Variants in C2CD5 observed in about 807,000 individuals in gnomAD.
C2CD5 encodes the protein C2 domain-containing protein 5.
C2CD5 carries 109 observed loss-of-function variants against 130.3 expected under a neutral mutation model. That is an observed-to-expected ratio of 0.84 (90% CI 0.72 to 0.98). C2CD5 has a LOEUF of 0.98. Among genes scored for constraint, C2CD5 ranks in the 50% least tolerant of loss-of-function variants. The pLI, the probability that C2CD5 is intolerant of heterozygous loss-of-function variation, is 0.00. For synonymous variants in C2CD5, 454 were observed against 429.2 expected (o/e 1.06, Z -0.71); for missense variants, 996 against 1,261.8 (o/e 0.79, Z 3.19).
In C2CD5 at chr12:22,543,636, G is replaced by A. The variant is rs1952629685; in HGVS notation, c.90+425C>T. On this transcript the variant is annotated intron_variant, in intron 2 of 26. Transcript: ENST00000446597. ...TGTGTGTGTGTTTCAGTGGCTGCGG[G>A]GCCACACCTTGGGATCTCCTGAGTG... is the stretch of plus-strand genomic sequence containing the variant. 1.3e-5 allele frequency among the ~76,000 whole-genome samples: 2 copies of A among 152,170 alleles called. 1 individual carries two copies. Among genetic ancestry groups the A allele is most frequent in the Non-Finnish European group, 2.9e-5 (2 of 68,036 alleles).
intron 20 of C2CD5, 32 bp downstream of exon 20, chr12:22,471,367 T>A: frequency 8.8e-7 from 1 of 1,133,412 alleles, no homozygotes; most frequent in Non-Finnish European, 1.3e-6. Flanking sequence ...ACAGATCAGA[T>A]AAAGACTAAT....
intron 6 of C2CD5, 130 bp from the exon 7 acceptor site, chr12:22,523,754 T>G: frequency 1.5e-6 from 1 of 671,854 alleles, no homozygotes; most frequent in Non-Finnish European, 2.5e-6. Flanking sequence ...TGAAGGAAAC[T>G]TAAAAGATAA....
At chr12:22,500,847 AATG>A (rs1190660207) in intron 10 of C2CD5, among the ~76,000 whole-genome samples, 1 of 152,146 alleles carries the variant, frequency 6.6e-6, no homozygotes, top group Non-Finnish European at 1.5e-5. Context: ...CTGTTATTAA[AATG>A]ATAATGCTTC....
intron 14 of C2CD5, among the ~76,000 whole-genome samples, chr12:22,479,925 A>G (rs1944456829): frequency 6.6e-6 from 1 of 152,184 alleles, no homozygotes; most frequent in South Asian, 2.1e-4. Context: ...TTAACTCTAG[A>G]TATTTGTTAT....
chr12:22,474,685 A>G, intron 16 of C2CD5, 66 bp downstream of exon 16: 1 of 1,148,350 alleles, frequency 8.7e-7, no homozygotes, highest in Non-Finnish European at 1.2e-6. Context: ...ATATTAATTT[A>G]GCACGTGAAA....
intron 22 of C2CD5, among the ~76,000 whole-genome samples, chr12:22,466,193 C>T (rs1006802541): frequency 1.3e-5 from 2 of 151,780 alleles, no homozygotes; most frequent in Non-Finnish European, 2.9e-5. Context: ...CTATGCTTAG[C>T]TCTTGAAACT....
intron 10 of C2CD5, among the ~76,000 whole-genome samples, chr12:22,495,634 T>C (rs1436467664): frequency 1.3e-5 from 2 of 151,946 alleles, no homozygotes; most frequent in Non-Finnish European, 2.9e-5. Flanking sequence ...CAAGCAGCCT[T>C]TATTTTAACA....
At chr12:22,497,599 G>A in intron 10 of C2CD5, 2 of 970,652 alleles carry the variant, frequency 2.1e-6, no homozygotes, top group South Asian at 9.5e-5. Context: ...CATTCCAACT[G>A]CTAACCTCTT....
chr12:22,483,603 C>T (rs529678735), intron 13 of C2CD5, among the ~76,000 whole-genome samples: 2 of 152,048 alleles, frequency 1.3e-5, no homozygotes, highest in South Asian at 4.2e-4. Context: ...AAAAGAAATA[C>T]TAAAGCGTAC....
In C2CD5 at chr12:22,454,019, G is replaced by A; in HGVS notation, c.2901C>T (p.Leu967=). 1 of 1,613,602 alleles carries A rather than the reference G, an allele frequency of 6.2e-7. No individual in the cohort carries two copies. Among genetic ancestry groups the A allele is most frequent in the Non-Finnish European group, 8.5e-7 (1 of 1,179,724 alleles). ...LREEGGVSGF[L]HAFIAEVFAM... ...CAAACACTTCAGCAATAAAAGCATG[G>A]AGAAAACCACTGACTCCTCCTTCCT... Residue 967 remains leucine, a synonymous_variant, in exon 26 of 27, where the codon CTC becomes CTT. Coordinates refer to ENST00000446597, the MANE Select transcript of C2CD5 (RefSeq NM_001286176.2).
At chr12:22,466,721 C>T (rs573546727) in intron 22 of C2CD5, among the ~76,000 whole-genome samples, 1 of 152,278 alleles carries the variant, frequency 6.6e-6, no homozygotes, top group Admixed American at 6.5e-5. Flanking sequence ...ATTTACAAAA[C>T]TACAGAAATA....
At chr12:22,490,537 T>G (rs1233749426) in intron 11 of C2CD5, among the ~76,000 whole-genome samples, 1 of 152,114 alleles carries the variant, frequency 6.6e-6, no homozygotes, top group East Asian at 1.9e-4. Context: ...AGTAATAAAT[T>G]GTATTGCTGA....
intron 7 of C2CD5, chr12:22,519,366 A>G (rs1483393194): frequency 4.4e-6 from 3 of 675,704 alleles, no homozygotes; most frequent in African/African-American, 3.7e-5. Context: ...AATCCCTAGC[A>G]TGCAAAAAAC....
At chr12:22,485,062 A>T (rs1416334562) in intron 12 of C2CD5, among the ~76,000 whole-genome samples, 174 bp from the exon 13 acceptor site, 1 of 152,128 alleles carries the variant, frequency 6.6e-6, no homozygotes, top group Non-Finnish European at 1.5e-5. Flanking sequence ...TGACCATGAA[A>T]TCAGAACCAT....
chr12:22,502,356 T>A (rs1397549792), intron 10 of C2CD5, among the ~76,000 whole-genome samples: 3 of 152,092 alleles, frequency 2.0e-5, no homozygotes, highest in Non-Finnish European at 4.4e-5. Context: ...ATATACTTTA[T>A]TTTTAGATTT....
intron 21 of C2CD5, 37 bp from the exon 22 acceptor site, chr12:22,469,832 A>T: frequency 8.0e-7 from 1 of 1,242,898 alleles, no homozygotes; most frequent in Non-Finnish European, 1.1e-6. Flanking sequence ...TTTAGTAATG[A>T]TCTATTATTA....
chr12:22,496,670 T>C (rs1316793586), intron 10 of C2CD5, among the ~76,000 whole-genome samples: 1 of 149,380 alleles, frequency 6.7e-6, no homozygotes, highest in African/African-American at 2.4e-5. Flanking sequence ...TTAATATATT[T>C]TTATATACAA....
intron 12 of C2CD5, among the ~76,000 whole-genome samples, chr12:22,489,372 T>C (rs1946044187): frequency 6.6e-6 from 1 of 151,884 alleles, no homozygotes; most frequent in Non-Finnish European, 1.5e-5. Context: ...GGGTTTGGCA[T>C]GTATGGATTC....
At chr12:22,456,902 A>C (rs1939980182) in intron 25 of C2CD5, 69 bp downstream of exon 25, 1 of 959,414 alleles carries the variant, frequency 1.0e-6, no homozygotes, top group Non-Finnish European at 1.5e-6. Context: ...TAACAATTTG[A>C]AACTTAGTTT....
Sources: gnomAD v4.1 joint callset for allele counts (sites outside exome capture counted in the v4.1 genomes callset) on GRCh38, gnomAD v4.1.1 for gene constraint, MANE v1.5 for transcripts, NCBI Gene and HGNC (gene_info 2026-07-23, HGNC 2026-07-21) for gene names.